Variants in DAB1 observed in about 807,000 individuals in gnomAD.
The protein encoded by DAB1 is DAB adaptor protein 1.
In DAB1, 15 loss-of-function variants were observed where a neutral mutation model predicts 64.6. The observed-to-expected ratio is 0.23, with a 90% CI of 0.16 to 0.36. The LOEUF (loss-of-function observed/expected upper bound fraction) is 0.36. DAB1 is among the 10% of genes least tolerant of loss of function. The probability of loss-of-function intolerance (pLI) is 1.00; values close to 1 mark genes in which losing one functional copy is unlikely to be tolerated. For missense variants in DAB1, 596 were observed against 706.7 expected, an observed-to-expected ratio of 0.84 and a Z score of 1.78; for synonymous variants, 235 against 251.9, an observed-to-expected ratio of 0.93 and a Z score of 0.64.
At chr1:58,187,933 G>C (rs1467349203) in intron 4 of DAB1, among the ~76,000 whole-genome samples, 1 of 132,490 alleles carries the variant, frequency 7.5e-6, no homozygotes, top group Non-Finnish European at 1.6e-5. Flanking sequence ...TCTTGAGACA[G>C]AGTCTCGCTC....
intron 1 of DAB1, among the ~76,000 whole-genome samples, chr1:57,842,649 G>T (rs1377643779): frequency 6.6e-6 from 1 of 152,168 alleles, no homozygotes; most frequent in Non-Finnish European, 1.5e-5. Flanking sequence ...GCAGGAAAGA[G>T]GGCAAGCAAG....
chr1:57,303,398 A>G (rs1463267033), intron 1 of DAB1, among the ~76,000 whole-genome samples: 2 of 152,134 alleles, frequency 1.3e-5, no homozygotes, highest in Non-Finnish European at 2.9e-5. Context: ...CCTGGGACAG[A>G]TCTCTCCCCA....
intron 5 of DAB1, among the ~76,000 whole-genome samples, chr1:57,913,482 A>G (rs1339489444): frequency 1.3e-5 from 2 of 152,240 alleles, no homozygotes; most frequent in African/African-American, 4.8e-5. Context: ...ACCTAAAACC[A>G]TAAAAACCCT....
At chr1:57,455,097 C>T (rs1686535673) in intron 7 of DAB1, among the ~76,000 whole-genome samples, 1 of 152,028 alleles carries the variant, frequency 6.6e-6, no homozygotes, top group South Asian at 2.1e-4. Flanking sequence ...GAGGAAGTGC[C>T]AATGGGATTT....
chr1:57,363,799 C>T (rs531116643), intron 1 of DAB1, among the ~76,000 whole-genome samples: 1 of 152,192 alleles, frequency 6.6e-6, no homozygotes, highest in East Asian at 1.9e-4. Context: ...ATAAGAAGTG[C>T]TAAAATCAGC....
At chr1:58,403,004 A>T (rs552530104) in intron 3 of DAB1, among the ~76,000 whole-genome samples, 1 of 152,316 alleles carries the variant, frequency 6.6e-6, no homozygotes, top group South Asian at 2.1e-4. Flanking sequence ...CTCCACTGGC[A>T]ATATCAATAC....
intron 5 of DAB1, among the ~76,000 whole-genome samples, chr1:57,918,833 AAG>A (rs1156929691): frequency 1.3e-5 from 2 of 152,060 alleles, no homozygotes; most frequent in Admixed American, 1.3e-4. Flanking sequence ...CAAAAAAAAA[AAG>A]AGAAAGGCAC....
At chr1:58,248,021 T>C (rs1660630545) in intron 4 of DAB1, among the ~76,000 whole-genome samples, 1 of 152,092 alleles carries the variant, frequency 6.6e-6, no homozygotes, top group South Asian at 2.1e-4. Flanking sequence ...AGCAAGGCTT[T>C]TGCTAGCACA....
At chr1:58,543,652 G>A (rs1015470406) in intron 1 of DAB1, among the ~76,000 whole-genome samples, 3 of 151,894 alleles carry the variant, frequency 2.0e-5, no homozygotes, top group African/African-American at 7.3e-5. Context: ...GTCCTACCCT[G>A]GTAAATACCA....
chr1:58,176,994 A>C (rs948636852), intron 4 of DAB1, among the ~76,000 whole-genome samples: 29 of 152,016 alleles, frequency 1.9e-4, no homozygotes, highest in African/African-American at 7.0e-4. Flanking sequence ...AAAAAAAAAA[A>C]GTCCCACCTC....
At chr1:57,300,119 T>C (rs1385464998) in intron 1 of DAB1, among the ~76,000 whole-genome samples, 2 of 152,148 alleles carry the variant, frequency 1.3e-5, no homozygotes, top group East Asian at 3.9e-4. Context: ...CACAGAGCCT[T>C]CCATGTTGTA....
At chr1:57,419,398 C>G (rs1037094805) in intron 1 of DAB1, among the ~76,000 whole-genome samples, 1 of 151,106 alleles carries the variant, frequency 6.6e-6, no homozygotes, top group African/African-American at 2.4e-5. Context: ...AGAATAACTG[C>G]GGAAAAGTAA....
intron 7 of DAB1, among the ~76,000 whole-genome samples, chr1:57,498,107 T>C (rs1381938435): frequency 6.6e-6 from 1 of 152,204 alleles, no homozygotes; most frequent in Non-Finnish European, 1.5e-5. Flanking sequence ...CAAGTATAAC[T>C]CAGATTCTTA....
intron 5 of DAB1, among the ~76,000 whole-genome samples, chr1:57,961,865 G>A (rs957129332): frequency 6.6e-5 from 10 of 151,968 alleles, no homozygotes; most frequent in African/African-American, 1.9e-4. Context: ...CCAGCTACTC[G>A]GGAGGCTGAG....
chr1:57,591,825 G>A (rs1202084479), intron 7 of DAB1, among the ~76,000 whole-genome samples: 1 of 152,158 alleles, frequency 6.6e-6, no homozygotes, highest in Non-Finnish European at 1.5e-5. Flanking sequence ...GAGGCTCTGG[G>A]GAAACCGTCT....
chr1:58,299,093 T>C (rs927158149), intron 4 of DAB1, among the ~76,000 whole-genome samples: 5 of 152,128 alleles, frequency 3.3e-5, no homozygotes, highest in Non-Finnish European at 7.4e-5. Flanking sequence ...TGGGAAATTC[T>C]GTCTGTATTG....
rs148477181 is a variant in DAB1, at chr1:57,326,423, C to T, written c.-136-35257G>A. On this transcript the variant is annotated intron_variant, in intron 1 of 14. Coordinates refer to ENST00000371236, the MANE Select transcript of DAB1 (RefSeq NM_001365792.1). Reference sequence around the variant, plus strand: ...GGAGGTACTTTGAAAATTGATTCTACGGACAGGTGACTGAAAGAGGGTATT... The same window carrying T: ...GGAGGTACTTTGAAAATTGATTCTATGGACAGGTGACTGAAAGAGGGTATT... 3.7e-3 allele frequency among the ~76,000 whole-genome samples: 564 copies of T among 152,268 alleles called. 3 individuals are homozygous for T. Among genetic ancestry groups the T allele is most frequent in the African/African-American group, 0.013 (535 of 41,560 alleles).
chr1:57,283,969 C>T (rs1672114741), intron 2 of DAB1, among the ~76,000 whole-genome samples: 1 of 152,132 alleles, frequency 6.6e-6, no homozygotes, highest in Non-Finnish European at 1.5e-5. Context: ...GTTGTATATT[C>T]CAGAGAGGTT....
Position 57,015,252 on chromosome 1 carries a change from C to T in DAB1, c.1075G>A (p.Gly359Arg), listed in dbSNP as rs746363033. 12 of 1,613,932 alleles carry T rather than the reference C, an allele frequency of 7.4e-6. No homozygotes were observed. Among genetic ancestry groups the T allele is most frequent in the African/African-American group, 4.0e-5 (3 of 74,898 alleles). Residue 359 changes from glycine (G) to arginine (R), a missense_variant, in exon 12 of 15, where the codon GGG becomes AGG. Gly to Arg is a moderately radical substitution (Grantham distance 125). Coordinates refer to ENST00000371236, the MANE Select transcript of DAB1 (RefSeq NM_001365792.1). ...ATQQPWPTVA[G>R]QFPPAAFMPT... The stretch of plus-strand genomic sequence containing the variant: ...ATGAAGGCGGCTGGCGGAAACTGCC[C>T]GGCCACAGTTGGCCAGGGCTGCTGA...
Sources: allele counts gnomAD v4.1 joint callset (sites outside exome capture counted in the v4.1 genomes callset), GRCh38; gene constraint gnomAD v4.1.1; transcripts MANE v1.5; gene names NCBI Gene and HGNC (gene_info 2026-07-23, HGNC 2026-07-21).